The following FGF14 variants were observed in gnomAD, a reference collection of about 807,000 sequenced individuals.
FGF14 encodes the protein fibroblast growth factor 14.
Under a neutral mutation model 25.5 loss-of-function variants are expected in FGF14, and 5 were observed. The observed-to-expected ratio is 0.20, with a 90% confidence interval of 0.10 to 0.41. The LOEUF is 0.41. Ranked by LOEUF, FGF14 falls within the 10% of genes least tolerant of loss-of-function variation. FGF14 has a pLI of 1.00. For missense variants in FGF14, 222 were observed against 320.1 expected, an observed-to-expected ratio of 0.69 and a Z score of 2.34; for synonymous variants, 138 against 118.3, an observed-to-expected ratio of 1.17 and a Z score of -1.08.
chr13:101,989,350 T>G (rs553268736), intron 1 of FGF14, among the ~76,000 whole-genome samples: 3 of 152,146 alleles, frequency 2.0e-5, no homozygotes, highest in African/African-American at 7.2e-5. Context: ...ACCTCCCACA[T>G]GCAAAACAAT....
At chr13:101,903,733 A>C (rs978382477) in intron 1 of FGF14, among the ~76,000 whole-genome samples, 3 of 152,196 alleles carry the variant, frequency 2.0e-5, no homozygotes, top group African/African-American at 7.2e-5. Context: ...AGCTAACAGG[A>C]AGCATGGAGT....
rs576917308 is a variant in FGF14, at chr13:102,009,799, A to C, written c.209-134503T>G. Among the ~76,000 whole-genome samples, 4 of 152,302 alleles carry C rather than the reference A, an allele frequency of 2.6e-5. No homozygotes were observed. The South Asian group carries it at 8.3e-4, about 32-fold the overall frequency. On this transcript the variant is annotated intron_variant, in intron 1 of 4. Coordinates refer to the FGF14 transcript ENST00000376131. ...CTAGATTTCCAAAGGAAATAATCTAAAGAATTAAAAGTACCGTCACTTCTC... is the reference window on the plus strand; with the variant it reads ...CTAGATTTCCAAAGGAAATAATCTACAGAATTAAAAGTACCGTCACTTCTC...
intron 1 of FGF14, among the ~76,000 whole-genome samples, chr13:102,011,141 C>T (rs1404849311): frequency 6.6e-6 from 1 of 152,062 alleles, no homozygotes; most frequent in Admixed American, 6.6e-5. Flanking sequence ...TATTGCATTC[C>T]TCTGGGAATC....
chr13:102,078,640 A>G (rs555893143), intron 1 of FGF14, among the ~76,000 whole-genome samples: 2 of 152,268 alleles, frequency 1.3e-5, no homozygotes, highest in Admixed American at 1.3e-4. Context: ...GAGGGGTAGG[A>G]TTTGACGCTG....
chr13:101,734,032 G>A (rs1419323055), intron 3 of FGF14, among the ~76,000 whole-genome samples: 1 of 151,922 alleles, frequency 6.6e-6, no homozygotes, highest in Non-Finnish European at 1.5e-5. Flanking sequence ...GTGTGTGTGT[G>A]TGCATGTGTG....
chr13:102,098,057 C>T (rs998522469), intron 1 of FGF14, among the ~76,000 whole-genome samples: 11 of 152,232 alleles, frequency 7.2e-5, no homozygotes, highest in African/African-American at 2.4e-4. Flanking sequence ...TTTCCCTCTT[C>T]AGGTGTAGAC....
chr13:102,109,250 T>C (rs1353499609), intron 1 of FGF14, among the ~76,000 whole-genome samples: 1 of 152,164 alleles, frequency 6.6e-6, no homozygotes, highest in African/African-American at 2.4e-5. Context: ...AGACTGGTAA[T>C]TACCAGGGAT....
chr13:102,009,342 ATAG>A (rs1426930656), intron 1 of FGF14, among the ~76,000 whole-genome samples: 1 of 152,172 alleles, frequency 6.6e-6, no homozygotes, highest in Non-Finnish European at 1.5e-5. Flanking sequence ...TGATGGCTAA[ATAG>A]TAGTTAACTC....
At chr13:101,879,141 C>G (rs546581922) in intron 1 of FGF14, among the ~76,000 whole-genome samples, 62 of 152,198 alleles carry the variant, frequency 4.1e-4, no homozygotes, top group African/African-American at 1.4e-3. Context: ...GTTCAGAATA[C>G]CTACTCTGCT....
At chr13:102,170,847 C>T (rs953098071) in intron 1 of FGF14, among the ~76,000 whole-genome samples, 1 of 152,088 alleles carries the variant, frequency 6.6e-6, no homozygotes, top group African/African-American at 2.4e-5. Flanking sequence ...ATATATTTTT[C>T]AGTTCTAACT....
At chr13:101,854,216 CAAGT>C (rs2044008078) in intron 3 of FGF14, among the ~76,000 whole-genome samples, 1 of 152,048 alleles carries the variant, frequency 6.6e-6, no homozygotes, top group Non-Finnish European at 1.5e-5. Context: ...GAGATTATAA[CAAGT>C]ATGTATATGC....
intron 1 of FGF14, among the ~76,000 whole-genome samples, chr13:101,895,980 T>C (rs957800025): frequency 1.3e-5 from 2 of 152,178 alleles, no homozygotes; most frequent in Non-Finnish European, 2.9e-5. Context: ...TATAATCTAC[T>C]AAATACCTGT....
At chr13:101,863,672 T>C (rs2044544918) in intron 3 of FGF14, among the ~76,000 whole-genome samples, 1 of 152,068 alleles carries the variant, frequency 6.6e-6, no homozygotes, top group South Asian at 2.1e-4. Flanking sequence ...TTAGGGAAGA[T>C]TAGAAAGACT....
chr13:102,034,262 A>G (rs1231149790), intron 1 of FGF14, among the ~76,000 whole-genome samples: 2 of 152,158 alleles, frequency 1.3e-5, no homozygotes, highest in Non-Finnish European at 2.9e-5. Context: ...TCATCACATT[A>G]CAAGTCAGCT....
intron 1 of FGF14, among the ~76,000 whole-genome samples, chr13:102,067,891 G>A (rs1023402634): frequency 3.3e-5 from 5 of 151,946 alleles, no homozygotes; most frequent in Non-Finnish European, 7.4e-5. Flanking sequence ...CAAAGACAAA[G>A]AAAGAATCCC....
At chr13:102,337,932 G>A (rs1418275210) in intron 1 of FGF14, among the ~76,000 whole-genome samples, 1 of 152,126 alleles carries the variant, frequency 6.6e-6, no homozygotes, top group Non-Finnish European at 1.5e-5. Flanking sequence ...ACAGTATAGT[G>A]TATATATAAC....
chr13:101,804,910 G>A (rs752232270), intron 3 of FGF14, among the ~76,000 whole-genome samples: 1 of 152,088 alleles, frequency 6.6e-6, no homozygotes, highest in Non-Finnish European at 1.5e-5. Context: ...ATTTGTAACT[G>A]TTGGATTCAT....
At chr13:101,871,379 G>T (rs2045071327) in intron 2 of FGF14, among the ~76,000 whole-genome samples, 1 of 152,082 alleles carries the variant, frequency 6.6e-6, no homozygotes, top group Non-Finnish European at 1.5e-5. Context: ...TTGGGAACGG[G>T]TTTAGGACAT....
intron 1 of FGF14, among the ~76,000 whole-genome samples, chr13:102,337,692 T>C (rs978405649): frequency 2.0e-5 from 3 of 152,270 alleles, no homozygotes; most frequent in South Asian, 2.1e-4. Context: ...GCAAACTTTA[T>C]TGTTGTCTTA....
Sources: gnomAD v4.1 joint callset for allele counts (sites outside exome capture counted in the v4.1 genomes callset) on GRCh38, gnomAD v4.1.1 for gene constraint, MANE v1.5 for transcripts, NCBI Gene and HGNC (gene_info 2026-07-23, HGNC 2026-07-21) for gene names.